The following KCP variants were observed in gnomAD, a reference collection of about 807,000 sequenced individuals.
KCP encodes the protein kielin/chordin-like protein.
A neutral mutation model predicts 212.7 loss-of-function variants in KCP; 194 were observed. The observed-to-expected ratio is 0.91, with a 90% confidence interval of 0.81 to 1.03. The LOEUF (loss-of-function observed/expected upper bound fraction) is 1.03. Among genes scored for constraint, KCP ranks in the 50% least tolerant of loss-of-function variants. KCP has a pLI of 0.00. For missense variants in KCP, 2,080 were observed against 2,162.5 expected (o/e 0.96, Z 0.76); for synonymous variants, 833 against 865.3 (o/e 0.96, Z 0.65).
At position 128,892,745 on chromosome 7, in the gene KCP, A is replaced by T; in HGVS notation, c.1470T>A (p.Tyr490Ter). 6.4e-7 allele frequency: 1 copy of T among 1,551,750 alleles called. No individual in the cohort carries two copies. Among genetic ancestry groups the T allele is most frequent in the Non-Finnish European group, 8.7e-7 (1 of 1,146,974 alleles). ...CATCCGTGAAGTTCTGCCCATTGGC[A>T]TACACTTGGCTGTGGTAGGTGCAGC... ...CDSCTYHSQV[Y>*]ANGQNFTDAD... The change falls in exon 15 of 40, where the codon TAT becomes TAA. Residue 490 changes from tyrosine to a stop codon, truncating the protein, a stop_gained. Coordinates refer to ENST00000610776, the MANE Select transcript of KCP (RefSeq NM_001366122.1). LOFTEE classifies it high-confidence loss of function.
At chr7:128,910,051 T>A (rs1194252190) in intron 1 of KCP, among the ~76,000 whole-genome samples, 1 of 152,124 alleles carries the variant, frequency 6.6e-6, no homozygotes, top group East Asian at 1.9e-4. Flanking sequence ...GCAGGCAGGA[T>A]ATGGGAGCCC....
At chr7:128,888,555 TACATACACAC>T (rs1563031120) in intron 22 of KCP, among the ~76,000 whole-genome samples, 1 of 71,148 alleles carries the variant, frequency 1.4e-5, no homozygotes, top group African/African-American at 5.6e-5. Context: ...CAGCAACACA[TACATACACAC>T]ACATATACAC....
intron 1 of KCP, among the ~76,000 whole-genome samples, chr7:128,909,721 G>A (rs367633147): frequency 1.3e-5 from 2 of 152,082 alleles, no homozygotes; most frequent in Non-Finnish European, 2.9e-5. Flanking sequence ...AGCAAGTCCC[G>A]CTGGGATGGA....
rs951350744 is a variant in KCP at position 128,877,646 on chromosome 7, C to T, written c.4456G>A (p.Val1486Met). Residue 1486 changes from valine to methionine, a missense_variant, in exon 39 of 40, where the codon GTG becomes ATG. Coordinates refer to ENST00000610776, the MANE Select transcript of KCP (RefSeq NM_001366122.1). ...KSSPFSRCHA[V>M]VPPEPFFAAC... ...GCAAAGAAGGGCTCCGGTGGCACCA[C>T]AGCATGGCAGCGACTGAATGGGGAG... 2 of 1,551,532 alleles carry T rather than the reference C, an allele frequency of 1.3e-6. No individual in the cohort carries two copies. The highest frequency in any genetic ancestry group is 1.4e-5 in the African/African-American group (1 of 73,072).
In KCP at chr7:128,886,982, C is replaced by T; in HGVS notation, c.2599-16G>A. ...TGGAACCTTCCTGGGGGAGAGAGGC[C>T]CATCACACCCTCAACTGGACTGCAC... On this transcript the variant is annotated splice_polypyrimidine_tract_variant and intron_variant, in intron 23 of 39. Transcript: ENST00000610776. 1 of 1,350,518 alleles carries T rather than the reference C, an allele frequency of 7.4e-7. No homozygotes were observed. The highest frequency in any genetic ancestry group is 1.0e-6 in the Non-Finnish European group (1 of 967,910). 83.7% of individuals were successfully genotyped at this position (1,350,518 alleles called of 1,614,324 possible).
Position 128,890,978 on chromosome 7 carries a change from G to T in KCP, c.2091C>A (p.Ser697=). The change falls in exon 20 of 40, where the codon TCC becomes TCA. Residue 697 remains serine, a synonymous_variant. Transcript: ENST00000610776. Reference sequence around the variant, plus strand: ...CGGGCGGGCAGGGCAGCCGCTGGCAGGACACGGAGCCGTCGAGGCAGAGGC... The same window carrying T: ...CGGGCGGGCAGGGCAGCCGCTGGCATGACACGGAGCCGTCGAGGCAGAGGC... ...RRCLCLDGSV[S]CQRLPCPPAP... 7.8e-7 allele frequency: 1 copy of T among 1,289,616 alleles called. No homozygotes were observed. The highest frequency in any genetic ancestry group is 9.8e-7 in the Non-Finnish European group (1 of 1,024,182). 79.9% of individuals were successfully genotyped at this position (1,289,616 alleles called of 1,614,324 possible).
chr7:128,890,326 T>C lies in KCP; in HGVS notation c.2335+17A>G. On this transcript the variant is annotated intron_variant, in intron 21 of 39. Coordinates refer to ENST00000610776, the MANE Select transcript of KCP (RefSeq NM_001366122.1). Reference sequence around the variant, plus strand: ...CCCGCATCCCACCCCGGCAGCTCCCTATCCCATGACCCTCACCATCACAGT... The same window carrying C: ...CCCGCATCCCACCCCGGCAGCTCCCCATCCCATGACCCTCACCATCACAGT... The C allele has an allele frequency of 6.4e-7, 1 of 1,551,474 alleles. No individual in the cohort carries two copies.
intron 13 of KCP, 84 bp from the exon 14 acceptor site, chr7:128,893,105 G>A (rs1252420213): frequency 1.8e-5 from 19 of 1,037,364 alleles, no homozygotes; most frequent in South Asian, 1.1e-4. Flanking sequence ...CCCCACCTTC[G>A]CCATCCCCGC....
chr7:128,904,248 G>C, intron 5 of KCP, 110 bp from the exon 6 acceptor site: 2 of 1,542,354 alleles, frequency 1.3e-6, no homozygotes, highest in Non-Finnish European at 1.8e-6. Flanking sequence ...GGGTTGAAGG[G>C]ATGGCGGGGC....
rs188209281 is a variant in KCP at position 128,894,284 on chromosome 7, T to C, written c.841A>G (p.Ile281Val). 3 of 1,540,006 alleles carry C rather than the reference T, an allele frequency of 1.9e-6. No homozygotes were observed. The East Asian group carries it at 7.4e-5, about 38-fold the overall frequency. Residue 281 changes from isoleucine (I) to valine (V), a missense_variant, in exon 9 of 40, where the codon ATC becomes GTC. Physicochemically the swap from Ile to Val is conservative, Grantham distance 29. Coordinates refer to ENST00000610776, the MANE Select transcript of KCP (RefSeq NM_001366122.1). ...CRICRCLEGH[I>V]QCRQRECASL... ...GCACATTCTCGCTGGCGGCACTGGA[T>C]GTGACCCTCCTGGTGGGGAGAATGA...
chr7:128,882,737 A>C (rs1444936997), intron 29 of KCP, among the ~76,000 whole-genome samples: 1 of 150,150 alleles, frequency 6.7e-6, no homozygotes, highest in Non-Finnish European at 1.5e-5. Flanking sequence ...TGTACATTTT[A>C]GTGTCTTACC....
At chr7:128,888,089 CACAT>C (rs1416886497) in intron 22 of KCP, among the ~76,000 whole-genome samples, 2 of 146,384 alleles carry the variant, frequency 1.4e-5, no homozygotes, top group African/African-American at 2.5e-5. Flanking sequence ...GACACACACA[CACAT>C]ACCCACATAC....
At chr7:128,899,873 A>C (rs148980793) in intron 8 of KCP, among the ~76,000 whole-genome samples, 4 of 131,430 alleles carry the variant, frequency 3.0e-5, no homozygotes, top group Admixed American at 1.4e-4. Context: ...TAAGGAATCA[A>C]ATTTGACTTG....
chr7:128,903,874 G>T, intron 6 of KCP, 54 bp from the exon 7 acceptor site: 1 of 1,340,388 alleles, frequency 7.5e-7, no homozygotes. Flanking sequence ...CAGAGGGCTG[G>T]GTGGGCGGGT....
At chr7:128,910,564 C>T (rs1175992745) in intron 1 of KCP, 37 bp downstream of exon 1, 15 of 1,500,410 alleles carry the variant, frequency 1.0e-5, no homozygotes, top group South Asian at 6.2e-5. Context: ...AGGGGGCGCA[C>T]CTGGCCGGAC....
intron 1 of KCP, 23 bp from the exon 2 acceptor site, chr7:128,908,591 G>A (rs1321794168): frequency 6.5e-7 from 1 of 1,545,152 alleles, no homozygotes; most frequent in Non-Finnish European, 8.8e-7. Context: ...AGAATCCCAT[G>A]TGGGCCTGAG....
In KCP at chr7:128,891,699, C is replaced by T. The variant is rs2128947499; in HGVS notation, c.1742G>A (p.Arg581Lys). ...AGGCAGCGGGTGGGCACAGGGGGCC[C>T]TGGGGCAGGGGCGAGGCTGGCAGTG... is the stretch of plus-strand genomic sequence containing the variant. ...HAHCQPRPCP[R>K]APCAHPLPGT... Residue 581 changes from arginine to lysine, a missense_variant, in exon 17 of 40, where the codon AGG (arginine) becomes AAG (lysine). Coordinates refer to ENST00000610776, the MANE Select transcript of KCP (RefSeq NM_001366122.1). The T allele has an allele frequency of 2.8e-6, 4 of 1,451,602 alleles. No homozygotes were observed. Among genetic ancestry groups the T allele is most frequent in the Non-Finnish European group, 3.6e-6 (4 of 1,100,636 alleles). 89.9% of individuals were successfully genotyped at this position (1,451,602 alleles called of 1,614,324 possible).
chr7:128,909,816 A>G (rs1795335986), intron 1 of KCP, among the ~76,000 whole-genome samples: 1 of 152,122 alleles, frequency 6.6e-6, no homozygotes, highest in Non-Finnish European at 1.5e-5. Flanking sequence ...CTGGGCGAAT[A>G]CTGGCCCTCA....
rs1248078581 is a variant in KCP, at chr7:128,888,985, C to T, written c.2390G>A (p.Arg797Gln). ...ACAGGTACACAGGTTGCAGGGTTCT[C>T]GGGGGTCTGGGAACTCCTGGTTACT... ...YLSNQEFPDP[R>Q]EPCNLCTCLG... The change falls in exon 22 of 40, where the codon CGA (arginine) becomes CAA (glutamine). Residue 797 changes from arginine (R) to glutamine (Q), a missense_variant. Coordinates refer to ENST00000610776, the MANE Select transcript of KCP (RefSeq NM_001366122.1). 8.4e-6 allele frequency: 13 copies of T among 1,542,782 alleles called. No homozygotes were observed. The highest frequency in any genetic ancestry group is 4.0e-5 in the Admixed American group (2 of 49,576).
Sources: allele counts gnomAD v4.1 joint callset (sites outside exome capture counted in the v4.1 genomes callset), GRCh38; gene constraint gnomAD v4.1.1; transcripts MANE v1.5; gene names NCBI Gene and HGNC (gene_info 2026-07-23, HGNC 2026-07-21).